TXNDC16: variants seen among roughly 807,000 people sequenced by gnomAD.
The protein encoded by TXNDC16 is thioredoxin domain-containing protein 16.
TXNDC16 carries 74 observed loss-of-function variants against 85.6 expected under a neutral mutation model. That is an observed-to-expected ratio of 0.86 (90% confidence interval 0.72 to 1.05). TXNDC16 has a LOEUF of 1.05. Among genes scored for constraint, TXNDC16 ranks in the 50% least tolerant of loss-of-function variants. The pLI is 0.00. For synonymous variants in TXNDC16, 335 were observed against 326.5 expected (o/e 1.03, Z -0.28); for missense variants, 959 against 947.0 (o/e 1.01, Z -0.17).
chr14:52,549,820 G>C (rs1029950487), intron 1 of TXNDC16, among the ~76,000 whole-genome samples: 16 of 152,060 alleles, frequency 1.1e-4, no homozygotes, highest in Admixed American at 9.8e-4. Context: ...TGTATTTTTA[G>C]TAGAGACGGG....
intron 4 of TXNDC16, among the ~76,000 whole-genome samples, chr14:52,540,769 G>A (rs2037813002): frequency 6.6e-6 from 1 of 152,200 alleles, no homozygotes; most frequent in South Asian, 2.1e-4. Context: ...GAAAAGGACA[G>A]GGGCTTAGTC....
chr14:52,489,081 A>G (rs184787189), intron 11 of TXNDC16, among the ~76,000 whole-genome samples: 2 of 152,296 alleles, frequency 1.3e-5, no homozygotes, highest in East Asian at 3.9e-4. Flanking sequence ...CACATGTAAT[A>G]CCAAGTTCTA....
At chr14:52,471,692 T>C (rs78662885) in intron 14 of TXNDC16, among the ~76,000 whole-genome samples, 13,075 of 152,050 alleles carry the variant, frequency 0.086, 618 homozygotes, top group East Asian at 0.14. Flanking sequence ...GTACCTTAAA[T>C]ATGCATGTGA....
intron 14 of TXNDC16, among the ~76,000 whole-genome samples, chr14:52,478,419 T>C (rs1410762728): frequency 6.6e-6 from 1 of 152,054 alleles, no homozygotes; most frequent in Non-Finnish European, 1.5e-5. Flanking sequence ...ATAAAACTGA[T>C]AGACCATTAG....
intron 1 of TXNDC16, among the ~76,000 whole-genome samples, chr14:52,546,717 GAGATGGC>G (rs1334917493): frequency 6.6e-6 from 1 of 152,236 alleles, no homozygotes; most frequent in African/African-American, 2.4e-5. Flanking sequence ...TTAAGTCACT[GAGATGGC>G]AGGGGTTATT....
In TXNDC16 at chr14:52,470,045, A is replaced by T. The variant is rs2035868285; in HGVS notation, c.1610T>A (p.Met537Lys). The T allele has an allele frequency of 6.2e-7, 1 of 1,606,926 alleles. No individual in the cohort carries two copies. The highest frequency in any genetic ancestry group is 1.3e-5 in the African/African-American group (1 of 74,620). ...VSVLGLFSPT[M>K]KTAKEDFSEA... ...AGCTCAGCTCTGCTTACCTGTTTTC[A>T]TGGTTGGACTAAATAGTCCCAATAC... Residue 537 changes from methionine to lysine, a missense_variant, in exon 16 of 21, where the codon ATG becomes AAG. Physicochemically the swap from Met to Lys is moderately conservative, Grantham distance 95 (BLOSUM62 -1). Transcript: ENST00000281741.
At position 52,537,731 on chromosome 14, in the gene TXNDC16, G is replaced by T. The variant is rs1050964409; in HGVS notation, c.244-59C>A. 3.1e-6 allele frequency: 3 copies of T among 976,522 alleles called. No homozygotes were observed. The African/African-American group carries it at 4.9e-5, about 16-fold the overall frequency. 60.5% of individuals were successfully genotyped at this position (976,522 alleles called of 1,614,324 possible). On this transcript the variant is annotated intron_variant, in intron 4 of 20. Coordinates refer to ENST00000281741, the MANE Select transcript of TXNDC16 (RefSeq NM_020784.3). The stretch of plus-strand genomic sequence containing the variant: ...TATCAAAAGGTCAAGTTTCTTGGTT[G>T]GGGAAACAAGAAGGAGAATTAAATA...
At chr14:52,505,461 G>A (rs887683471) in intron 9 of TXNDC16, among the ~76,000 whole-genome samples, 1 of 152,124 alleles carries the variant, frequency 6.6e-6, no homozygotes, top group African/African-American at 2.4e-5. Flanking sequence ...TGCTGCTGAA[G>A]GAATACTGGG....
intron 6 of TXNDC16, among the ~76,000 whole-genome samples, chr14:52,525,047 A>G (rs904038750): frequency 1.3e-5 from 2 of 151,926 alleles, no homozygotes; most frequent in Non-Finnish European, 2.9e-5. Flanking sequence ...GTGTGAACCC[A>G]GGAGGTGGGG....
intron 9 of TXNDC16, among the ~76,000 whole-genome samples, chr14:52,504,929 T>G (rs986348431): frequency 3.3e-5 from 5 of 152,016 alleles, no homozygotes; most frequent in Non-Finnish European, 4.4e-5. Flanking sequence ...TCCTAGACTC[T>G]GATAAAACAG....
chr14:52,468,876 CA>C (rs914696845), intron 16 of TXNDC16, among the ~76,000 whole-genome samples: 42 of 129,486 alleles, frequency 3.2e-4, no homozygotes, highest in African/African-American at 5.0e-4. Flanking sequence ...GACCCTGTCT[CA>C]AAAAAAAAAA....
At chr14:52,506,182 C>T (rs1270429924) in intron 9 of TXNDC16, among the ~76,000 whole-genome samples, 1 of 152,168 alleles carries the variant, frequency 6.6e-6, no homozygotes, top group African/African-American at 2.4e-5. Flanking sequence ...TGAAACTATT[C>T]CAATCAATAG....
Position 52,525,732 on chromosome 14 carries a change from T to TA in TXNDC16, c.393-6440dup, listed in dbSNP as rs911657672. Among the ~76,000 whole-genome samples the TA allele has an allele frequency of 2.6e-4, 33 of 128,616 alleles. No homozygotes were observed. In the East Asian group the frequency reaches 8.1e-3, roughly 32 times the overall value. The allele number at this position is 128,616 out of a possible 152,430, so 84.4% of individuals were successfully genotyped here. ...ATAATAATAATAATAATAATAATAATAATAATAATAATAAATAAAAATTTG... is the reference window on the plus strand; with the variant it reads ...ATAATAATAATAATAATAATAATAATAAATAATAATAATAAATAAAAATTTG... On this transcript the variant is annotated intron_variant, in intron 6 of 20. Coordinates refer to ENST00000281741, the MANE Select transcript of TXNDC16 (RefSeq NM_020784.3).
Position 52,491,003 on chromosome 14 carries a change from A to G in TXNDC16, c.759T>C (p.Thr253=). 3 of 1,478,144 alleles carry G rather than the reference A, an allele frequency of 2.0e-6. No individual in the cohort carries two copies. The highest frequency in any genetic ancestry group is 1.8e-6 in the Non-Finnish European group (2 of 1,102,454). 91.6% of individuals were successfully genotyped at this position (1,478,144 alleles called of 1,614,324 possible). ...FIKTMKAPLL[T]EVAEDPQQVS... ...CTTGTTGAGGATCTTCAGCAACTTC[A>G]GTCTTCATTGAAAAAAAAAAAAAAA... The change falls in exon 10 of 21, where the codon ACT becomes ACC. Residue 253 remains threonine (T), a splice_region_variant and synonymous_variant. Transcript: ENST00000281741.
At chr14:52,539,319 G>C (rs1444012254) in intron 4 of TXNDC16, among the ~76,000 whole-genome samples, 1 of 152,160 alleles carries the variant, frequency 6.6e-6, no homozygotes, top group East Asian at 1.9e-4. Flanking sequence ...AAGTATAAGA[G>C]ATGAGTTCTA....
chr14:52,431,819 T>G lies in TXNDC16; in HGVS notation c.*485A>C, dbSNP rs1365080557. 2 of 152,398 alleles carry G rather than the reference T, an allele frequency of 1.3e-5. No individual in the cohort carries two copies. The highest frequency in any genetic ancestry group is 4.8e-5 in the African/African-American group (2 of 41,480). The allele number at this position is 152,398 out of a possible 1,614,324, so 9.4% of individuals were successfully genotyped here. ...ATAACTGTCAGCTGCATGAATGCAC[T>G]GTGGAGTTAACTGTGATTAGAGTTT... On this transcript the variant is annotated 3_prime_UTR_variant, in exon 21 of 21. Transcript: ENST00000281741.
chr14:52,434,185 T>C (rs1459636283), intron 20 of TXNDC16, among the ~76,000 whole-genome samples: 1 of 152,154 alleles, frequency 6.6e-6, no homozygotes, highest in Non-Finnish European at 1.5e-5. Context: ...TGTGACACTG[T>C]CTCAACAACA....
rs1390071938 is a variant in TXNDC16 at position 52,500,035 on chromosome 14, T to A, written c.757-9030A>T. On this transcript the variant is annotated intron_variant, in intron 9 of 20. Coordinates refer to ENST00000281741, the MANE Select transcript of TXNDC16 (RefSeq NM_020784.3). ...AATCCAAGGATGCAGAATCCACAGA[T>A]ACAGAGGGCTGAGTATATGGAGGTT... is the stretch of plus-strand genomic sequence containing the variant. Among the ~76,000 whole-genome samples, 8 of 152,130 alleles carry A rather than the reference T, an allele frequency of 5.3e-5. 1 individual carries two copies. The highest frequency in any genetic ancestry group is 1.2e-4 in the Non-Finnish European group (8 of 68,004).
intron 18 of TXNDC16, among the ~76,000 whole-genome samples, chr14:52,454,153 G>A (rs761025918): frequency 1.3e-5 from 2 of 152,166 alleles, no homozygotes; most frequent in Non-Finnish European, 2.9e-5. Context: ...GTGGCCAGGT[G>A]CAGTGGCTCA....
Sources: allele counts gnomAD v4.1 joint callset (sites outside exome capture counted in the v4.1 genomes callset), GRCh38; gene constraint gnomAD v4.1.1; transcripts MANE v1.5; gene names NCBI Gene and HGNC (gene_info 2026-07-23, HGNC 2026-07-21).